Variants in CRYM observed in about 807,000 individuals in gnomAD.
CRYM encodes ketimine reductase mu-crystallin.
Under a neutral mutation model 32.9 loss-of-function variants are expected in CRYM, and 18 were observed. The observed-to-expected ratio is 0.55, with a 90% CI of 0.38 to 0.81. CRYM has a LOEUF of 0.81. Among genes scored for constraint, CRYM ranks in the 30% least tolerant of loss-of-function variants. The pLI is 0.00. For missense variants in CRYM, 337 were observed against 393.5 expected, an observed-to-expected ratio of 0.86 and a Z score of 1.21; for synonymous variants, 153 against 152.4, an observed-to-expected ratio of 1.00 and a Z score of -0.03.
intron 1 of CRYM, among the ~76,000 whole-genome samples, chr16:21,295,542 G>A (rs900041101): frequency 2.0e-5 from 3 of 152,050 alleles, no homozygotes; most frequent in African/African-American, 7.2e-5. Context: ...TTCTTTTTAT[G>A]TCAGTTTTGT....
At chr16:21,289,542 A>T (rs1190531661) in intron 1 of CRYM, among the ~76,000 whole-genome samples, 1 of 152,174 alleles carries the variant, frequency 6.6e-6, no homozygotes, top group East Asian at 1.9e-4. Context: ...CTATCCTTTA[A>T]TTGGAGCAGT....
intron 1 of CRYM, among the ~76,000 whole-genome samples, chr16:21,289,718 C>T (rs2152864710): frequency 6.6e-6 from 1 of 152,264 alleles, no homozygotes; most frequent in South Asian, 2.1e-4. Flanking sequence ...GCCAGCTGGG[C>T]TGCTGGCACA....
chr16:21,273,765 C>T (rs556001407), intron 3 of CRYM, among the ~76,000 whole-genome samples: 2 of 152,132 alleles, frequency 1.3e-5, no homozygotes, highest in African/African-American at 4.8e-5. Flanking sequence ...CACAGAAACT[C>T]GTAGTCCAGA....
intron 7 of CRYM, 40 bp downstream of exon 7, chr16:21,261,214 G>T (rs375910823): frequency 7.9e-5 from 118 of 1,494,508 alleles, no homozygotes; most frequent in Non-Finnish European, 9.7e-5. Context: ...CCTGCCTTGT[G>T]CGCTAGTTGG....
intron 1 of CRYM, among the ~76,000 whole-genome samples, chr16:21,291,126 T>C (rs1370930451): frequency 6.6e-6 from 1 of 152,242 alleles, no homozygotes; most frequent in African/African-American, 2.4e-5. Flanking sequence ...TTTGTTATCC[T>C]GGGACAGTTC....
At chr16:21,281,711 T>C (rs2093398492), upstream of CRYM, among the ~76,000 whole-genome samples, 3 of 152,194 alleles carry the variant, frequency 2.0e-5, no homozygotes, top group Admixed American at 2.0e-4. Context: ...GGTTGCACAC[T>C]TGCATGCCTT....
chr16:21,300,083 T>C (rs761042480), intron 1 of CRYM: 2 of 152,196 alleles, frequency 1.3e-5, no homozygotes, highest in Non-Finnish European at 2.9e-5. Context: ...CCTGGCATTG[T>C]TGGGAGGAGC....
chr16:21,278,450 A>T, upstream of CRYM: 1 of 628,788 alleles, frequency 1.6e-6, no homozygotes, highest in South Asian at 1.9e-5. Context: ...GGTGGGCGAG[A>T]TGGGTCCCTT....
upstream of CRYM, among the ~76,000 whole-genome samples, chr16:21,282,554 C>G (rs746384801): frequency 1.3e-5 from 2 of 151,916 alleles, no homozygotes; most frequent in Non-Finnish European, 2.9e-5. Context: ...AATTTAGCCC[C>G]GATTAAATAG....
intron 2 of CRYM, among the ~76,000 whole-genome samples, chr16:21,276,346 T>C (rs1267979240): frequency 6.6e-6 from 1 of 152,200 alleles, no homozygotes; most frequent in Admixed American, 6.5e-5. Flanking sequence ...TGGCAGGTAG[T>C]ATGAATGCCA....
chr16:21,264,875 A>G, intron 5 of CRYM, among the ~76,000 whole-genome samples: 1 of 152,168 alleles, frequency 6.6e-6, no homozygotes, highest in East Asian at 1.9e-4. Flanking sequence ...CTCCAGTGTA[A>G]GGAACTGAAT....
intron 1 of CRYM, among the ~76,000 whole-genome samples, chr16:21,301,541 T>TG (rs1378454132): frequency 1.3e-5 from 2 of 151,896 alleles, no homozygotes; most frequent in East Asian, 1.9e-4. Context: ...AGGCAACAGG[T>TG]GGGGCGCACT....
intron 5 of CRYM, among the ~76,000 whole-genome samples, chr16:21,265,175 C>T (rs1026825933): frequency 3.9e-5 from 6 of 152,132 alleles, no homozygotes; most frequent in Non-Finnish European, 7.3e-5. Flanking sequence ...TCCATAAACT[C>T]AGCCCTGACT....
At chr16:21,285,048 AT>A (rs1486857224) in intron 1 of CRYM, among the ~76,000 whole-genome samples, 1 of 151,942 alleles carries the variant, frequency 6.6e-6, no homozygotes, top group Non-Finnish European at 1.5e-5. Context: ...TTTTTCATAT[AT>A]TTTTTGGTTA....
intron 1 of CRYM, among the ~76,000 whole-genome samples, chr16:21,299,401 T>C (rs1025034349): frequency 2.0e-5 from 3 of 152,064 alleles, no homozygotes; most frequent in African/African-American, 7.2e-5. Flanking sequence ...CTCTGCTTCT[T>C]GGGTTGAAGC....
intron 1 of CRYM, among the ~76,000 whole-genome samples, chr16:21,293,534 C>G (rs1960716805): frequency 6.6e-6 from 1 of 152,096 alleles, no homozygotes; most frequent in South Asian, 2.1e-4. Context: ...AATAAAGAGG[C>G]TTGAAAATGT....
chr16:21,285,452 T>G (rs2093405836), intron 1 of CRYM, among the ~76,000 whole-genome samples: 1 of 152,206 alleles, frequency 6.6e-6, no homozygotes, highest in African/African-American at 2.4e-5. Flanking sequence ...GAAAGTGACA[T>G]TCTTTACTTA....
intron 1 of CRYM, among the ~76,000 whole-genome samples, chr16:21,287,159 T>G (rs969061602): frequency 3.9e-5 from 6 of 152,308 alleles, no homozygotes; most frequent in East Asian, 3.9e-4. Flanking sequence ...TGTCAAATAC[T>G]AAAGGCTTAA....
At chr16:21,275,675 CT>C in intron 2 of CRYM, 81 bp from the exon 3 acceptor site, 1 of 1,207,578 alleles carries the variant, frequency 8.3e-7, no homozygotes, top group Non-Finnish European at 1.2e-6. Flanking sequence ...AAAATATTAG[CT>C]TAGGAAGTTT....
Sources: gnomAD v4.1 joint callset for allele counts (sites outside exome capture counted in the v4.1 genomes callset) on GRCh38, gnomAD v4.1.1 for gene constraint, MANE v1.5 for transcripts, NCBI Gene and HGNC (gene_info 2026-07-23, HGNC 2026-07-21) for gene names.